The following FOXP1 variants were observed in gnomAD, a reference collection of about 807,000 sequenced individuals.
FOXP1 encodes forkhead box protein P1.
In FOXP1, 15 loss-of-function variants were observed where a neutral mutation model predicts 98.2. The observed-to-expected ratio is 0.15, with a 90% CI of 0.10 to 0.24. The LOEUF is 0.24. FOXP1 is among the 10% of genes least tolerant of loss of function. FOXP1 has a pLI of 1.00. For missense variants in FOXP1, 633 were observed against 848.5 expected, an observed-to-expected ratio of 0.75 and a Z score of 3.15; for synonymous variants, 371 against 314.5, an observed-to-expected ratio of 1.18 and a Z score of -1.90.
chr3:71,435,110 T>C (rs912449142), intron 3 of FOXP1, among the ~76,000 whole-genome samples: 4 of 146,390 alleles, frequency 2.7e-5, no homozygotes, highest in Non-Finnish European at 6.0e-5. Flanking sequence ...AGTAAGAGAC[T>C]TCAAGACAAA....
chr3:71,402,977 A>C lies in FOXP1; in HGVS notation c.-167-43733T>G, dbSNP rs114920291. 5.4e-3 allele frequency among the ~76,000 whole-genome samples: 825 copies of C among 152,290 alleles called. 12 individuals carry two copies. The highest frequency in any genetic ancestry group is 0.019 in the African/African-American group (778 of 41,566). ...AGTGAATTCTGAAGATGGTTTGAAA[A>C]ATCCCTCAATCAACTAGGTTGTCTT... On this transcript the variant is annotated intron_variant, in intron 3 of 20. Coordinates refer to ENST00000649528, the MANE Select transcript of FOXP1 (RefSeq NM_001349338.3).
chr3:71,152,680 C>CA (rs2060628943), intron 6 of FOXP1, among the ~76,000 whole-genome samples: 2 of 152,058 alleles, frequency 1.3e-5, no homozygotes, highest in Admixed American at 6.5e-5. Context: ...GCTCTGTTTC[C>CA]TTATCTGAAA....
At chr3:71,432,554 G>T (rs553590806) in intron 3 of FOXP1, among the ~76,000 whole-genome samples, 1 of 151,904 alleles carries the variant, frequency 6.6e-6, no homozygotes, top group African/African-American at 2.4e-5. Context: ...CCTAGGCTAC[G>T]CCCCACCTAA....
At chr3:71,031,035 T>A (rs1198110751) in intron 11 of FOXP1, among the ~76,000 whole-genome samples, 1 of 152,218 alleles carries the variant, frequency 6.6e-6, no homozygotes, top group Non-Finnish European at 1.5e-5. Flanking sequence ...TGTTCGCTTT[T>A]TGGATGTATG....
chr3:71,442,603 G>A (rs78478929), intron 3 of FOXP1, among the ~76,000 whole-genome samples: 282 of 152,278 alleles, frequency 1.9e-3, no homozygotes, highest in African/African-American at 6.4e-3. Flanking sequence ...CAAACTAGCC[G>A]CGGCCCCAGT....
Position 70,957,541 on chromosome 3 carries a change from A to G in FOXP1, c.*1706T>C, listed in dbSNP as rs1347636650. On this transcript the variant is annotated 3_prime_UTR_variant, in exon 21 of 21. Transcript: ENST00000649528. ...GTAATTTTAGAAAAAAGGTACAAAG[A>G]AAGAATATAAATTAAGCTTCGAAAG... 1 of 231,672 alleles carries G rather than the reference A, an allele frequency of 4.3e-6. No individual in the cohort carries two copies. The highest frequency in any genetic ancestry group is 2.2e-5 in the African/African-American group (1 of 45,208). 14.4% of individuals were successfully genotyped at this position (231,672 alleles called of 1,614,324 possible).
Position 71,009,166 on chromosome 3 carries a change from G to C in FOXP1, c.974+6383C>G, listed in dbSNP as rs867874618. ...TGAAATCATGGGGGCGGGGGGGGGG[G>C]GGCGCATGACACACGTGGATATCTC... On this transcript the variant is annotated intron_variant, in intron 12 of 20. Coordinates refer to ENST00000649528, the MANE Select transcript of FOXP1 (RefSeq NM_001349338.3). 2.1e-4 allele frequency among the ~76,000 whole-genome samples: 21 copies of C among 101,304 alleles called. 1 individual carries two copies. Among genetic ancestry groups the C allele is most frequent in the African/African-American group, 5.6e-4 (15 of 26,966 alleles). The allele number at this position is 101,304 out of a possible 152,430, so 66.5% of individuals were successfully genotyped here. A position where few individuals can be genotyped will look rare whatever the true frequency, so the allele number is the denominator to read the frequency against.
At chr3:71,302,286 G>A (rs1018200053) in intron 4 of FOXP1, among the ~76,000 whole-genome samples, 1 of 152,030 alleles carries the variant, frequency 6.6e-6, no homozygotes, top group African/African-American at 2.4e-5. Context: ...GCTAGTACTG[G>A]GGCCCGAGTC....
intron 7 of FOXP1, among the ~76,000 whole-genome samples, chr3:71,098,423 T>C (rs72628624): frequency 0.18 from 27,034 of 152,164 alleles, 3,458 homozygotes; most frequent in East Asian, 0.57. Context: ...ACTACAGGAA[T>C]GTTCTGATTT....
chr3:71,208,055 G>A (rs991485458), intron 5 of FOXP1, among the ~76,000 whole-genome samples: 2 of 152,150 alleles, frequency 1.3e-5, no homozygotes, highest in Non-Finnish European at 2.9e-5. Context: ...ATTTATGGCA[G>A]GGGGGATTTA....
chr3:71,291,735 A>G (rs1359449512), intron 5 of FOXP1, among the ~76,000 whole-genome samples: 2 of 118,856 alleles, frequency 1.7e-5, no homozygotes, highest in African/African-American at 6.4e-5. Context: ...TTTTTTTGAG[A>G]TGGAGTCTCA....
At chr3:71,559,856 G>A (rs62244889) in intron 2 of FOXP1, among the ~76,000 whole-genome samples, 44,896 of 151,522 alleles carry the variant, frequency 0.3, 8,240 homozygotes, top group Non-Finnish European at 0.42. Context: ...GGGGGCTGCT[G>A]GGGGTTGCGG....
intron 2 of FOXP1, among the ~76,000 whole-genome samples, chr3:71,505,208 G>A (rs963282296): frequency 1.3e-5 from 2 of 152,060 alleles, no homozygotes; most frequent in Non-Finnish European, 2.9e-5. Flanking sequence ...AGACCTCTAC[G>A]TTGCCTCCCA....
chr3:71,113,440 G>A (rs1417783995), intron 6 of FOXP1, among the ~76,000 whole-genome samples: 1 of 152,098 alleles, frequency 6.6e-6, no homozygotes, highest in Non-Finnish European at 1.5e-5. Flanking sequence ...CTTTTTAAAA[G>A]TTCAAGCAGG....
intron 3 of FOXP1, among the ~76,000 whole-genome samples, chr3:71,410,964 G>A (rs2108270509): frequency 6.6e-6 from 1 of 152,302 alleles, no homozygotes; most frequent in South Asian, 2.1e-4. Context: ...TGTAGCAGAC[G>A]AGACAAACAG....
At chr3:71,367,266 A>G (rs1045081570) in intron 3 of FOXP1, among the ~76,000 whole-genome samples, 1 of 152,172 alleles carries the variant, frequency 6.6e-6, no homozygotes, top group South Asian at 2.1e-4. Flanking sequence ...CCCCACAGCC[A>G]AAAAACCCAC....
intron 5 of FOXP1, among the ~76,000 whole-genome samples, chr3:71,265,188 C>T (rs2069518668): frequency 6.6e-6 from 1 of 152,328 alleles, no homozygotes; most frequent in East Asian, 1.9e-4. Context: ...AATTTCTGGA[C>T]TGTTCAACAA....
chr3:71,330,669 A>C (rs1329129287), intron 4 of FOXP1, among the ~76,000 whole-genome samples: 1 of 152,272 alleles, frequency 6.6e-6, no homozygotes, highest in Non-Finnish European at 1.5e-5. Flanking sequence ...TTGCCTTAAT[A>C]AATTATGTTA....
At chr3:71,166,556 C>T (rs1457162399) in intron 6 of FOXP1, among the ~76,000 whole-genome samples, 2 of 152,134 alleles carry the variant, frequency 1.3e-5, no homozygotes, top group African/African-American at 2.4e-5. Context: ...ATAGGAGCAA[C>T]TCTTGGGTGC....
Sources: allele counts gnomAD v4.1 joint callset (sites outside exome capture counted in the v4.1 genomes callset), GRCh38; gene constraint gnomAD v4.1.1; transcripts MANE v1.5; gene names NCBI Gene and HGNC (gene_info 2026-07-23, HGNC 2026-07-21).